ARHGAP24: variants seen among roughly 807,000 people sequenced by gnomAD.
The protein encoded by ARHGAP24 is Rho GTPase activating protein 24, also known as rho GTPase-activating protein 24.
In ARHGAP24, 50 loss-of-function variants were observed where a neutral mutation model predicts 76.4. The observed-to-expected ratio is 0.65, with a 90% confidence interval of 0.52 to 0.83. The LOEUF is 0.83. Ranked by LOEUF, ARHGAP24 falls within the 40% of genes least tolerant of loss-of-function variation. The probability of loss-of-function intolerance (pLI) is 0.00; values close to 1 mark genes in which losing one functional copy is unlikely to be tolerated. For synonymous variants in ARHGAP24, 345 were observed against 323.3 expected (o/e 1.07, Z -0.72); for missense variants, 930 against 914.2 (o/e 1.02, Z -0.22).
At chr4:85,550,007 T>G (rs1359210955) in intron 1 of ARHGAP24, among the ~76,000 whole-genome samples, 1 of 152,218 alleles carries the variant, frequency 6.6e-6, no homozygotes, top group African/African-American at 2.4e-5. Flanking sequence ...CTAACATTGA[T>G]TAGCACTTAG....
intron 2 of ARHGAP24, among the ~76,000 whole-genome samples, chr4:85,628,781 A>G (rs970343498): frequency 1.3e-5 from 2 of 152,188 alleles, no homozygotes; most frequent in South Asian, 2.1e-4. Flanking sequence ...CTTGCATTCT[A>G]TCTTATCTAA....
intron 3 of ARHGAP24, among the ~76,000 whole-genome samples, chr4:85,874,493 T>C (rs1313512558): frequency 6.6e-6 from 1 of 152,028 alleles, no homozygotes; most frequent in Non-Finnish European, 1.5e-5. Context: ...GATTTTCAGG[T>C]TCATTCTTAA....
intron 1 of ARHGAP24, among the ~76,000 whole-genome samples, chr4:85,531,304 A>G (rs1725249889): frequency 6.6e-6 from 1 of 152,096 alleles, no homozygotes; most frequent in Non-Finnish European, 1.5e-5. Flanking sequence ...CAACACTTAG[A>G]ACAGTGTCTG....
intron 1 of ARHGAP24, among the ~76,000 whole-genome samples, chr4:85,494,145 T>A (rs569541215): frequency 6.6e-6 from 1 of 152,278 alleles, no homozygotes; most frequent in Admixed American, 6.5e-5. Flanking sequence ...TTCTATCATG[T>A]TTTCTTTTTT....
At chr4:85,598,561 T>C (rs1719918491) in intron 2 of ARHGAP24, among the ~76,000 whole-genome samples, 1 of 152,068 alleles carries the variant, frequency 6.6e-6, no homozygotes, top group African/African-American at 2.4e-5. Flanking sequence ...GAATTCTGGA[T>C]CTTGAAATTA....
intron 4 of ARHGAP24, among the ~76,000 whole-genome samples, chr4:85,936,969 C>G (rs954729600): frequency 3.9e-5 from 6 of 152,102 alleles, no homozygotes; most frequent in African/African-American, 1.2e-4. Context: ...ACATTGTTGA[C>G]TGAATGGAAG....
At chr4:85,738,212 T>G (rs1170651140) in intron 3 of ARHGAP24, among the ~76,000 whole-genome samples, 1 of 152,120 alleles carries the variant, frequency 6.6e-6, no homozygotes, top group African/African-American at 2.4e-5. Flanking sequence ...TTATGGCCAC[T>G]CTATTGGGTA....
intron 2 of ARHGAP24, among the ~76,000 whole-genome samples, chr4:85,679,017 C>T (rs572429796): frequency 1.1e-4 from 16 of 152,134 alleles, no homozygotes; most frequent in African/African-American, 2.7e-4. Context: ...GCAGGAGTCA[C>T]GCAAAATATA....
intron 2 of ARHGAP24, among the ~76,000 whole-genome samples, chr4:85,627,086 C>A (rs1373003552): frequency 1.3e-5 from 2 of 152,196 alleles, no homozygotes; most frequent in Non-Finnish European, 2.9e-5. Flanking sequence ...GTCAGTCATT[C>A]TCTTTCCAGC....
intron 2 of ARHGAP24, among the ~76,000 whole-genome samples, chr4:85,716,902 G>A (rs1483340468): frequency 1.3e-5 from 2 of 152,064 alleles, no homozygotes; most frequent in African/African-American, 4.8e-5. Context: ...GGAAACAGGT[G>A]AATAAATATC....
At position 85,678,664 on chromosome 4, in the gene ARHGAP24, C is replaced by T. The variant is rs900434706; in HGVS notation, c.181-43221C>T. Among the ~76,000 whole-genome samples the T allele has an allele frequency of 7.2e-5, 11 of 152,256 alleles. No individual in the cohort carries two copies. In the East Asian group the frequency reaches 1.9e-3, roughly 27 times the overall value. On this transcript the variant is annotated intron_variant, in intron 2 of 9. Coordinates refer to ENST00000395184, the MANE Select transcript of ARHGAP24 (RefSeq NM_001025616.3). The stretch of plus-strand genomic sequence containing the variant: ...GTAAAGTCAGCATCAATGTATCAGA[C>T]TACAAACAGTGCAAAATAAAGTGTA...
In ARHGAP24 at chr4:85,748,568, C is replaced by T. The variant is rs376625953; in HGVS notation, c.268+26596C>T. Among the ~76,000 whole-genome samples the T allele has an allele frequency of 9.2e-5, 14 of 151,906 alleles. No individual in the cohort carries two copies. The South Asian group carries it at 2.1e-3, about 23-fold the overall frequency. ...CAAAATTAACAGCCAAGTATTTGGA[C>T]GTTTAAATAAAATGGGAGTATTTTT... is the stretch of plus-strand genomic sequence containing the variant. On this transcript the variant is annotated intron_variant, in intron 3 of 9. Coordinates refer to ENST00000395184, the MANE Select transcript of ARHGAP24 (RefSeq NM_001025616.3).
At chr4:85,845,349 C>T (rs1730824512) in intron 3 of ARHGAP24, among the ~76,000 whole-genome samples, 1 of 152,098 alleles carries the variant, frequency 6.6e-6, no homozygotes, top group African/African-American at 2.4e-5. Context: ...GTTGTCACTA[C>T]TGTTCTATTT....
At chr4:85,587,303 A>C (rs1055470632) in intron 2 of ARHGAP24, among the ~76,000 whole-genome samples, 9 of 152,206 alleles carry the variant, frequency 5.9e-5, no homozygotes, top group African/African-American at 1.9e-4. Context: ...TGATGTCGCC[A>C]TTACAGTACT....
chr4:85,763,220 T>C (rs1478942304), intron 3 of ARHGAP24, among the ~76,000 whole-genome samples: 1 of 152,228 alleles, frequency 6.6e-6, no homozygotes, highest in Non-Finnish European at 1.5e-5. Flanking sequence ...TCACTGACTT[T>C]CTGCTAAGGT....
chr4:85,771,460 T>C (rs1344173408), intron 3 of ARHGAP24, among the ~76,000 whole-genome samples: 1 of 152,240 alleles, frequency 6.6e-6, no homozygotes, highest in Middle Eastern at 3.2e-3. Flanking sequence ...CAGATTGCAT[T>C]ATGCCCACTC....
At chr4:85,965,151 C>T (rs1738503781) in intron 5 of ARHGAP24, among the ~76,000 whole-genome samples, 1 of 152,128 alleles carries the variant, frequency 6.6e-6, no homozygotes, top group African/African-American at 2.4e-5. Context: ...GGAGAACTCA[C>T]AGTTCCACAT....
chr4:85,485,597 A>G (rs1418443496), intron 1 of ARHGAP24, among the ~76,000 whole-genome samples: 2 of 151,550 alleles, frequency 1.3e-5, no homozygotes, highest in Non-Finnish European at 1.5e-5. Context: ...TTAGTGCCTG[A>G]GAACTCAGGC....
intron 2 of ARHGAP24, among the ~76,000 whole-genome samples, chr4:85,655,799 A>G (rs1722134000): frequency 2.5e-5 from 1 of 40,304 alleles, no homozygotes; most frequent in African/African-American, 1.0e-4. Flanking sequence ...ATATAGAGAG[A>G]GAGAGAGAGA....
Sources: gnomAD v4.1 joint callset for allele counts (sites outside exome capture counted in the v4.1 genomes callset) on GRCh38, gnomAD v4.1.1 for gene constraint, MANE v1.5 for transcripts, NCBI Gene and HGNC (gene_info 2026-07-23, HGNC 2026-07-21) for gene names.